MAGI2: variants seen among roughly 807,000 people sequenced by gnomAD.
The protein encoded by MAGI2 is membrane associated guanylate kinase, WW and PDZ domain containing 2.
Under a neutral mutation model 133.3 loss-of-function variants are expected in MAGI2, and 35 were observed. The ratio of observed to expected loss-of-function variants is 0.26; its 90% CI spans 0.20 to 0.35. The LOEUF is 0.35. Among genes scored for constraint, MAGI2 ranks in the 10% least tolerant of loss-of-function variants. MAGI2 has a pLI of 1.00. For missense variants in MAGI2, 1,636 were observed against 1,863.4 expected (o/e 0.88, Z 2.25); for synonymous variants, 729 against 710.6 (o/e 1.03, Z -0.41).
Position 78,454,231 on chromosome 7 carries a change from T to A in MAGI2, c.1045+35530A>T, listed in dbSNP as rs1789056690. On this transcript the variant is annotated intron_variant, in intron 6 of 21. Coordinates refer to ENST00000354212, the MANE Select transcript of MAGI2 (RefSeq NM_012301.4). Reference sequence around the variant, plus strand: ...CAAGGTGTTTTTGGTTTTGTTTTGATTTTTATTAGCATTTGCATCAGGCTT... The same window carrying A: ...CAAGGTGTTTTTGGTTTTGTTTTGAATTTTATTAGCATTTGCATCAGGCTT... Among the ~76,000 whole-genome samples the A allele has an allele frequency of 2.6e-5, 4 of 152,310 alleles. 1 individual carries two copies. In the South Asian group the frequency reaches 8.3e-4, roughly 32 times the overall value.
intron 1 of MAGI2, among the ~76,000 whole-genome samples, chr7:79,260,109 T>A (rs1204141637): frequency 2.6e-5 from 4 of 152,176 alleles, no homozygotes; most frequent in Admixed American, 6.5e-5. Flanking sequence ...AATCCCATCA[T>A]GTGGGAGGCT....
chr7:78,057,977 G>GTATGTATATA (rs1812776156), intron 21 of MAGI2, among the ~76,000 whole-genome samples: 4 of 106,612 alleles, frequency 3.8e-5, no homozygotes, highest in African/African-American at 1.3e-4. Context: ...ATATATATGT[G>GTATGTATATA]TATATATATA....
chr7:78,527,370 A>G (rs60184458), intron 3 of MAGI2, among the ~76,000 whole-genome samples: 5,562 of 152,300 alleles, frequency 0.037, 340 homozygotes, highest in African/African-American at 0.13. Context: ...ACCTTTGCAT[A>G]AAAGTTGTAT....
intron 9 of MAGI2, among the ~76,000 whole-genome samples, chr7:78,317,074 G>A (rs1168602569): frequency 2.0e-5 from 3 of 152,114 alleles, no homozygotes; most frequent in Non-Finnish European, 2.9e-5. Context: ...AAAACTGTCA[G>A]CCCTCTTGGA....
chr7:78,378,044 T>C (rs930006649), intron 6 of MAGI2, among the ~76,000 whole-genome samples: 4 of 151,860 alleles, frequency 2.6e-5, no homozygotes, highest in Admixed American at 6.6e-5. Context: ...GCTTTGAACA[T>C]TAATGGACAA....
intron 1 of MAGI2, among the ~76,000 whole-genome samples, chr7:79,069,719 G>A (rs1011149394): frequency 6.6e-6 from 1 of 152,102 alleles, no homozygotes; most frequent in Non-Finnish European, 1.5e-5. Context: ...TTACAATTTG[G>A]TATGTTTTTG....
chr7:78,655,418 A>G (rs1000306984), intron 2 of MAGI2, among the ~76,000 whole-genome samples: 1 of 147,444 alleles, frequency 6.8e-6, no homozygotes, highest in African/African-American at 2.5e-5. Context: ...ACAAAACAAA[A>G]CAAAACAAAA....
intron 9 of MAGI2, among the ~76,000 whole-genome samples, chr7:78,294,164 A>AT (rs562614405): frequency 2.0e-5 from 3 of 152,064 alleles, no homozygotes; most frequent in Admixed American, 2.0e-4. Flanking sequence ...TCACATTTTA[A>AT]TTTTTTAGCA....
intron 2 of MAGI2, among the ~76,000 whole-genome samples, chr7:78,956,008 A>T (rs957112806): frequency 1.3e-5 from 2 of 152,050 alleles, no homozygotes; most frequent in East Asian, 3.9e-4. Context: ...AGTTGTATGA[A>T]TTTTTAAAAA....
Position 78,167,998 on chromosome 7 carries a change from G to A in MAGI2, c.2514C>T (p.His838=), listed in dbSNP as rs1184176765. The change falls in exon 15 of 22, where the codon CAC becomes CAT. Residue 838 remains histidine, a synonymous_variant. Transcript: ENST00000354212. ...VDGIPVAGKT[H]RYVIDLMHHA... is the part of the protein sequence containing the mutation. Reference sequence around the variant, plus strand: ...GGTGCATGAGGTCGATGACATAGCGGTGGGTTTTGCCGGCTACTGGAATCC... The same window carrying A: ...GGTGCATGAGGTCGATGACATAGCGATGGGTTTTGCCGGCTACTGGAATCC... 6.2e-7 allele frequency: 1 copy of A among 1,614,162 alleles called. No individual in the cohort carries two copies.
intron 1 of MAGI2, among the ~76,000 whole-genome samples, chr7:79,056,826 A>C (rs926692005): frequency 1.3e-5 from 2 of 152,256 alleles, no homozygotes; most frequent in African/African-American, 2.4e-5. Context: ...TACTGCATGC[A>C]ATCACTTTCA....
At chr7:78,928,573 C>T (rs1165760641) in intron 2 of MAGI2, among the ~76,000 whole-genome samples, 1 of 152,038 alleles carries the variant, frequency 6.6e-6, no homozygotes, top group Non-Finnish European at 1.5e-5. Flanking sequence ...GATGCTTGTA[C>T]TTCTCAGGCA....
At chr7:79,315,931 G>T (rs1388788765) in intron 1 of MAGI2, among the ~76,000 whole-genome samples, 1 of 152,120 alleles carries the variant, frequency 6.6e-6, no homozygotes, top group Non-Finnish European at 1.5e-5. Context: ...CCATTCCAGT[G>T]TAGGAGGCAG....
intron 1 of MAGI2, among the ~76,000 whole-genome samples, chr7:79,395,494 C>A (rs1320561583): frequency 6.6e-6 from 1 of 152,120 alleles, no homozygotes; most frequent in African/African-American, 2.4e-5. Context: ...ATAACTGTGT[C>A]TAGTGGTTTG....
chr7:79,028,237 A>G lies in MAGI2; in HGVS notation c.302-21031T>C, dbSNP rs867288918. 2.4e-3 allele frequency among the ~76,000 whole-genome samples: 70 copies of G among 28,670 alleles called. 1 individual carries two copies. Among genetic ancestry groups the G allele is most frequent in the South Asian group, 3.2e-3 (3 of 928 alleles). 18.8% of individuals were successfully genotyped at this position (28,670 alleles called of 152,430 possible). Reference sequence around the variant, plus strand: ...AAAAAATATATATATATATGTATGTATATATATATATATATATATATATAT... The same window carrying G: ...AAAAAATATATATATATATGTATGTGTATATATATATATATATATATATAT... On this transcript the variant is annotated intron_variant, in intron 1 of 21. Transcript: ENST00000354212.
At chr7:79,187,162 T>A (rs1827245669) in intron 1 of MAGI2, among the ~76,000 whole-genome samples, 1 of 151,738 alleles carries the variant, frequency 6.6e-6, no homozygotes, top group East Asian at 1.9e-4. Flanking sequence ...TGATTTTCAA[T>A]ATAATGAATA....
chr7:78,026,894 C>T (rs1014935041), intron 21 of MAGI2, among the ~76,000 whole-genome samples: 1 of 152,178 alleles, frequency 6.6e-6, no homozygotes, highest in Non-Finnish European at 1.5e-5. Context: ...TGATACTACT[C>T]ATAATGGCAA....
intron 9 of MAGI2, among the ~76,000 whole-genome samples, chr7:78,273,545 C>T (rs564398563): frequency 1.3e-5 from 2 of 152,248 alleles, no homozygotes; most frequent in South Asian, 4.2e-4. Flanking sequence ...ACCTTGGTTC[C>T]ATTCTCCCCG....
At chr7:79,432,456 G>C (rs1013286500) in intron 1 of MAGI2, among the ~76,000 whole-genome samples, 19 of 152,188 alleles carry the variant, frequency 1.2e-4, no homozygotes, top group Non-Finnish European at 2.2e-4. Flanking sequence ...CATAAGAATG[G>C]GGATTTATGC....
Sources: gnomAD v4.1 joint callset for allele counts (sites outside exome capture counted in the v4.1 genomes callset) on GRCh38, gnomAD v4.1.1 for gene constraint, MANE v1.5 for transcripts, NCBI Gene and HGNC (gene_info 2026-07-23, HGNC 2026-07-21) for gene names.